Variants in PLB1 observed in about 807,000 individuals in gnomAD.
The protein encoded by PLB1 is phospholipase B1, membrane-associated.
A neutral mutation model predicts 227.4 loss-of-function variants in PLB1; 242 were observed. The ratio of observed to expected loss-of-function variants is 1.06; its 90% CI spans 0.96 to 1.18. PLB1 has a LOEUF of 1.18. Ranked by LOEUF, PLB1 falls within the 50% of genes most tolerant of loss-of-function variation. The pLI is 0.00. For synonymous variants in PLB1, 757 were observed against 682.2 expected, an observed-to-expected ratio of 1.11 and a Z score of -1.71; for missense variants, 1,858 against 1,816.3, an observed-to-expected ratio of 1.02 and a Z score of -0.42.
intron 16 of PLB1, among the ~76,000 whole-genome samples, chr2:28,551,452 C>T (rs1997267): frequency 0.63 from 96,155 of 152,110 alleles, 31,207 homozygotes; most frequent in Non-Finnish European, 0.71. Flanking sequence ...TTCTTCCCTC[C>T]CTATTTTATG....
chr2:28,546,617 G>A (rs1673302559), intron 14 of PLB1, among the ~76,000 whole-genome samples: 1 of 152,176 alleles, frequency 6.6e-6, no homozygotes, highest in Non-Finnish European at 1.5e-5. Context: ...ATTATTTGAA[G>A]TAACTGTGTC....
chr2:28,584,652 C>T (rs1319033520), intron 25 of PLB1, among the ~76,000 whole-genome samples: 3 of 152,228 alleles, frequency 2.0e-5, no homozygotes, highest in Non-Finnish European at 2.9e-5. Flanking sequence ...GTCACCTTCT[C>T]CTGCCACCTC....
chr2:28,529,891 T>C (rs771699790), intron 8 of PLB1, 112 bp downstream of exon 8: 1 of 951,362 alleles, frequency 1.1e-6, no homozygotes, highest in Non-Finnish European at 1.7e-6. Flanking sequence ...CGGCAACTAG[T>C]GTGACCTGGG....
intron 56 of PLB1, among the ~76,000 whole-genome samples, chr2:28,638,361 A>G (rs1689607448): frequency 6.6e-6 from 1 of 152,054 alleles, no homozygotes; most frequent in African/African-American, 2.4e-5. Flanking sequence ...TGTCTGAGGA[A>G]CTTAAAGGCC....
At chr2:28,545,856 G>C (rs1673177300) in intron 14 of PLB1, among the ~76,000 whole-genome samples, 1 of 152,108 alleles carries the variant, frequency 6.6e-6, no homozygotes, top group East Asian at 1.9e-4. Context: ...AGCAGAGAGG[G>C]ACTGGCAGAA....
In PLB1 at chr2:28,643,502, A is replaced by G. The variant is rs1381666183; in HGVS notation, c.*441A>G. 4 of 164,872 alleles carry G rather than the reference A, an allele frequency of 2.4e-5. 1 individual carries two copies. Among genetic ancestry groups the G allele is most frequent in the Non-Finnish European group, 1.3e-5 (1 of 76,004 alleles). 10.2% of individuals were successfully genotyped at this position (164,872 alleles called of 1,614,324 possible). A position where few individuals can be genotyped will look rare whatever the true frequency, so the allele number is the denominator to read the frequency against. ...GGAATTTTGGAGCTGGCTGGTTGCC[A>G]TTCAGTCCAATCCAACACATACCTA... On this transcript the variant is annotated 3_prime_UTR_variant, in exon 58 of 58. Coordinates refer to ENST00000327757, the MANE Select transcript of PLB1 (RefSeq NM_153021.5).
At chr2:28,549,412 C>CTTTTTTTTTTTTTTTTTTTTTTTTTTTT (rs746205635) in intron 15 of PLB1, among the ~76,000 whole-genome samples, 1 of 87,276 alleles carries the variant, frequency 1.1e-5, no homozygotes, top group African/African-American at 4.6e-5. Flanking sequence ...GAGATTCTTT[C>CTTTTTTTTTTTTTTTTTTTTTTTTTTTT]TTTTTTTTTT....
intron 21 of PLB1, among the ~76,000 whole-genome samples, chr2:28,577,275 G>A (rs1456607124): frequency 6.6e-6 from 1 of 152,194 alleles, no homozygotes; most frequent in African/African-American, 2.4e-5. Context: ...TCCAAGATCA[G>A]TGATCTTGTC....
In PLB1 at chr2:28,641,082, T is replaced by C. The variant is rs1573626248; in HGVS notation, c.4173+81T>C. The C allele has an allele frequency of 3.1e-6, 4 of 1,304,612 alleles. No individual in the cohort carries two copies. In the East Asian group the frequency reaches 7.8e-5, roughly 26 times the overall value. 80.8% of individuals were successfully genotyped at this position (1,304,612 alleles called of 1,614,324 possible). On this transcript the variant is annotated intron_variant, in intron 57 of 57. Coordinates refer to ENST00000327757, the MANE Select transcript of PLB1 (RefSeq NM_153021.5). ...CCTGTCCCCTGGAAGCACAGAGGAG[T>C]CCCCGGGGATGCTCCCTCAAATGCG...
chr2:28,544,852 AGATACG>A (rs1673003003), intron 14 of PLB1, among the ~76,000 whole-genome samples: 1 of 152,108 alleles, frequency 6.6e-6, no homozygotes, highest in African/African-American at 2.4e-5. Flanking sequence ...ATAAGAGAAG[AGATACG>A]GAGATAAGGC....
At chr2:28,638,822 A>G (rs1232127997) in intron 56 of PLB1, among the ~76,000 whole-genome samples, 1 of 126,388 alleles carries the variant, frequency 7.9e-6, no homozygotes, top group Non-Finnish European at 1.6e-5. Flanking sequence ...TCAAGGCTGG[A>G]GATTGAAAAA....
chr2:28,601,415 T>A, intron 37 of PLB1, 83 bp downstream of exon 37: 1 of 1,143,034 alleles, frequency 8.7e-7, no homozygotes, highest in Non-Finnish European at 1.3e-6. Context: ...GAACAGTTCC[T>A]AAAACCAATC....
intron 17 of PLB1, among the ~76,000 whole-genome samples, chr2:28,553,912 T>A (rs1674617006): frequency 6.6e-6 from 1 of 152,200 alleles, no homozygotes; most frequent in South Asian, 2.1e-4. Context: ...GTAGTCAGAT[T>A]GTCTCCTTGT....
intron 17 of PLB1, among the ~76,000 whole-genome samples, chr2:28,554,145 A>T (rs1674656758): frequency 6.6e-6 from 1 of 152,194 alleles, no homozygotes; most frequent in Admixed American, 6.5e-5. Context: ...CATGGTGCCA[A>T]CTCATTCCTA....
chr2:28,535,379 C>T (rs1033625113), intron 9 of PLB1, among the ~76,000 whole-genome samples: 3 of 152,252 alleles, frequency 2.0e-5, no homozygotes, highest in Non-Finnish European at 4.4e-5. Context: ...TCCACTTCCA[C>T]TTACCCCAGA....
At chr2:28,515,228 C>A (rs61149088) in intron 1 of PLB1, among the ~76,000 whole-genome samples, 2 of 152,118 alleles carry the variant, frequency 1.3e-5, no homozygotes, top group Non-Finnish European at 2.9e-5. Flanking sequence ...TTCCACTCCC[C>A]CTGGAGTGAT....
At chr2:28,584,499 A>G (rs1680580410) in intron 25 of PLB1, among the ~76,000 whole-genome samples, 1 of 152,232 alleles carries the variant, frequency 6.6e-6, no homozygotes, top group African/African-American at 2.4e-5. Flanking sequence ...ATTTCAGAGC[A>G]GTTTACCAGA....
At chr2:28,591,650 T>C (rs554771909) in intron 30 of PLB1, 50 bp from the exon 31 acceptor site, 36 of 1,586,134 alleles carry the variant, frequency 2.3e-5, no homozygotes, top group Non-Finnish European at 3.0e-5. Context: ...TAGCCAGTTT[T>C]TCTGGTCCCT....
At chr2:28,565,872 G>C (rs1676807402) in intron 19 of PLB1, among the ~76,000 whole-genome samples, 1 of 152,164 alleles carries the variant, frequency 6.6e-6, no homozygotes, top group South Asian at 2.1e-4. Flanking sequence ...TCTGGTAGTT[G>C]GCATTGTTAT....
Sources: gnomAD v4.1 joint callset for allele counts (sites outside exome capture counted in the v4.1 genomes callset) on GRCh38, gnomAD v4.1.1 for gene constraint, MANE v1.5 for transcripts, NCBI Gene and HGNC (gene_info 2026-07-23, HGNC 2026-07-21) for gene names.